RYR2: variants seen among roughly 807,000 people sequenced by gnomAD.
The protein encoded by RYR2 is cardiac muscle ryanodine receptor-calcium release channel.
RYR2 carries 227 observed loss-of-function variants against 601.1 expected under a neutral mutation model. The observed-to-expected ratio is 0.38, with a 90% CI of 0.34 to 0.42. The LOEUF (loss-of-function observed/expected upper bound fraction) is 0.42, where lower values mean the gene tolerates loss of function less well. Among genes scored for constraint, RYR2 ranks in the 10% least tolerant of loss-of-function variants. The probability of loss-of-function intolerance (pLI) is 1.00; values close to 1 mark genes in which losing one functional copy is unlikely to be tolerated. For synonymous variants in RYR2, 2,223 were observed against 2,175.1 expected (o/e 1.02, Z -0.61); for missense variants, 4,646 against 6,156.5 (o/e 0.75, Z 8.21).
chr1:237,225,036 CTGATCA>C (rs1684212958), intron 1 of RYR2, among the ~76,000 whole-genome samples: 1 of 152,026 alleles, frequency 6.6e-6, no homozygotes, highest in Non-Finnish European at 1.5e-5. Flanking sequence ...TCCCAAGGTT[CTGATCA>C]TTTCAGAAGG....
intron 64 of RYR2, among the ~76,000 whole-genome samples, chr1:237,699,337 C>A (rs772583456): frequency 1.3e-5 from 2 of 151,998 alleles, no homozygotes; most frequent in Non-Finnish European, 2.9e-5. Flanking sequence ...AGCTTCCAGG[C>A]GTGATATTTG....
rs1046178253 is a variant in RYR2 at position 237,776,509 on chromosome 1, G to A, written c.11776-2157G>A. On this transcript the variant is annotated intron_variant, in intron 87 of 104. Coordinates refer to ENST00000366574, the MANE Select transcript of RYR2 (RefSeq NM_001035.3). ...ATAATCTCATTTCAGTAAAACTTCC[G>A]CTTACCCTTGGGCCTGATTTTCAGC... Among the ~76,000 whole-genome samples, 60 of 152,048 alleles carry A rather than the reference G, an allele frequency of 3.9e-4. 1 individual carries two copies. Among genetic ancestry groups the A allele is most frequent in the Admixed American group, 3.5e-3 (54 of 15,254 alleles).
intron 25 of RYR2, among the ~76,000 whole-genome samples, chr1:237,547,683 A>T (rs1045344040): frequency 6.6e-6 from 1 of 152,170 alleles, no homozygotes; most frequent in African/African-American, 2.4e-5. Flanking sequence ...TATTGCCCTT[A>T]TATGTGTGCA....
At position 237,655,969 on chromosome 1, in the gene RYR2, C is replaced by T; in HGVS notation, c.8114C>T (p.Pro2705Leu). Reference protein sequence around the residue: ...MDSEGNFNPQPVDTSNITIPE... With the variant: ...MDSEGNFNPQLVDTSNITIPE... ...TCTGAAGGGAACTTTAACCCACAAC[C>T]TGTTGATACCTCAAAGTATGGACTC... is the stretch of plus-strand genomic sequence containing the variant. The change falls in exon 53 of 105, where the codon CCT (proline) becomes CTT (leucine). Residue 2705 changes from proline to leucine, a missense_variant. Physicochemically the swap from Pro to Leu is moderately conservative, Grantham distance 98 (BLOSUM62 -3). Coordinates refer to ENST00000366574, the MANE Select transcript of RYR2 (RefSeq NM_001035.3). The T allele has an allele frequency of 6.2e-7, 1 of 1,613,272 alleles. No individual in the cohort carries two copies. The highest frequency in any genetic ancestry group is 2.2e-5 in the East Asian group (1 of 44,862).
chr1:237,544,130 C>A (rs1041399114), intron 25 of RYR2, among the ~76,000 whole-genome samples: 6 of 151,686 alleles, frequency 4.0e-5, no homozygotes. Context: ...ATGTAGTTGC[C>A]AAAATAAAAC....
At chr1:237,382,226 C>T (rs1701580715) in intron 8 of RYR2, among the ~76,000 whole-genome samples, 1 of 152,148 alleles carries the variant, frequency 6.6e-6, no homozygotes, top group Non-Finnish European at 1.5e-5. Context: ...TCTGTGAAAA[C>T]ATTGCCAAAT....
Position 237,786,172 on chromosome 1 carries a change from G to A in RYR2, c.13328+136G>A, listed in dbSNP as rs980594128. ...CCACAGAACTAATTGTGCCATCTCC[G>A]TGGAGAGGCTCTGACAGCGAGGACC... On this transcript the variant is annotated intron_variant, in intron 91 of 104. Transcript: ENST00000366574. 48 of 636,522 alleles carry A rather than the reference G, an allele frequency of 7.5e-5. No homozygotes were observed. In the African/African-American group the frequency reaches 7.9e-4, roughly 10 times the overall value. 39.4% of individuals were successfully genotyped at this position (636,522 alleles called of 1,614,324 possible). A position where few individuals can be genotyped will look rare whatever the true frequency, so the allele number is the denominator to read the frequency against.
At chr1:237,593,873 A>G (rs1675513500) in intron 33 of RYR2, among the ~76,000 whole-genome samples, 1 of 152,220 alleles carries the variant, frequency 6.6e-6, no homozygotes, top group Non-Finnish European at 1.5e-5. Flanking sequence ...GGTAATGATC[A>G]TATATTCCTT....
rs1661628213 is a variant in RYR2 at position 237,054,049 on chromosome 1, G to T, written c.48+11480G>T. ...TAAAGCGGTTAATTGCATTAATACA[G>T]ATCAGGAAACTGAGTTGCAAAGAGG... On this transcript the variant is annotated intron_variant, in intron 1 of 104. Coordinates refer to ENST00000366574, the MANE Select transcript of RYR2 (RefSeq NM_001035.3). Among the ~76,000 whole-genome samples the T allele has an allele frequency of 2.0e-5, 3 of 152,310 alleles. No individual in the cohort carries two copies. The East Asian group carries it at 5.8e-4, about 29-fold the overall frequency.
In RYR2 at chr1:237,293,930, G is replaced by A. The variant is rs571958118; in HGVS notation, c.168+23314G>A. ...CCTCTATCCTCCATGGAGGTCAAGG[G>A]TGGAATGTGTTGGGGGAAGGCTTAA... On this transcript the variant is annotated intron_variant, in intron 2 of 104. Transcript: ENST00000366574. Among the ~76,000 whole-genome samples, 6 of 152,264 alleles carry A rather than the reference G, an allele frequency of 3.9e-5. No individual in the cohort carries two copies. In the East Asian group the frequency reaches 1.2e-3, roughly 29 times the overall value.
At chr1:237,285,125 C>A (rs1691406731) in intron 2 of RYR2, among the ~76,000 whole-genome samples, 1 of 152,090 alleles carries the variant, frequency 6.6e-6, no homozygotes, top group Non-Finnish European at 1.5e-5. Flanking sequence ...AGATGGAATG[C>A]TTTCAACTTT....
At chr1:237,175,839 C>G (rs1677977587) in intron 1 of RYR2, among the ~76,000 whole-genome samples, 1 of 152,164 alleles carries the variant, frequency 6.6e-6, no homozygotes, top group Non-Finnish European at 1.5e-5. Context: ...TCAACAGTTG[C>G]AATTTGTAAA....
At position 237,493,081 on chromosome 1, in the gene RYR2, T is replaced by C. The variant is rs1227107630; in HGVS notation, c.1955T>C (p.Val652Ala). The change falls in exon 19 of 105, where the codon GTC (valine) becomes GCC (alanine). Residue 652 changes from valine to alanine, a missense_variant. By Grantham distance (64) the Val-to-Ala change is moderately conservative. Transcript: ENST00000366574. ...LLLQTRLVNHVSSMRPNIFLG... is the reference protein window; with the variant it reads ...LLLQTRLVNHASSMRPNIFLG... ...TTGCAGACACGTCTTGTGAACCATG[T>C]CAGCAGGTAAATTCAGACAGACAAT... The C allele has an allele frequency of 6.2e-7, 1 of 1,613,602 alleles. No homozygotes were observed. The highest frequency in any genetic ancestry group is 8.5e-7 in the Non-Finnish European group (1 of 1,179,782).
intron 80 of RYR2, chr1:237,743,745 A>G (rs1444781111): frequency 4.7e-6 from 2 of 430,080 alleles, no homozygotes; most frequent in Non-Finnish European, 9.3e-6. Flanking sequence ...AAATCTTTCT[A>G]CAAGTTTGTA....
chr1:237,514,922 G>C (rs1264293231), intron 24 of RYR2, among the ~76,000 whole-genome samples: 1 of 152,210 alleles, frequency 6.6e-6, no homozygotes, highest in Admixed American at 6.5e-5. Flanking sequence ...TATCATGGGA[G>C]GGATGAACAG....
At chr1:237,607,290 TGGAAACCACAA>T (rs1161910049) in intron 35 of RYR2, among the ~76,000 whole-genome samples, 4 of 152,098 alleles carry the variant, frequency 2.6e-5, no homozygotes, top group South Asian at 4.1e-4. Flanking sequence ...TGGATGAAGC[TGGAAACCACAA>T]TTCTCAGCAA....
chr1:237,314,210 AC>A (rs1694881639), intron 2 of RYR2, among the ~76,000 whole-genome samples: 1 of 151,598 alleles, frequency 6.6e-6, no homozygotes, highest in Non-Finnish European at 1.5e-5. Flanking sequence ...GACTACAGGC[AC>A]CCGCAACCAC....
intron 68 of RYR2, among the ~76,000 whole-genome samples, chr1:237,707,865 G>A (rs891942049): frequency 5.3e-5 from 8 of 151,900 alleles, no homozygotes; most frequent in East Asian, 1.9e-4. Flanking sequence ...TCCGCCTCCC[G>A]GGTTCAAGTG....
intron 3 of RYR2, among the ~76,000 whole-genome samples, chr1:237,332,170 A>G (rs978005972): frequency 1.3e-5 from 2 of 152,166 alleles, no homozygotes; most frequent in Non-Finnish European, 2.9e-5. Context: ...TAATATATAA[A>G]TGATTATCCA....
Sources: gnomAD v4.1 joint callset for allele counts (sites outside exome capture counted in the v4.1 genomes callset) on GRCh38, gnomAD v4.1.1 for gene constraint, MANE v1.5 for transcripts, NCBI Gene and HGNC (gene_info 2026-07-23, HGNC 2026-07-21) for gene names.